The following CPED1 variants were observed in gnomAD, a reference collection of about 807,000 sequenced individuals.
The protein encoded by CPED1 is cadherin like and PC-esterase domain containing 1.
A neutral mutation model predicts 128.2 loss-of-function variants in CPED1; 114 were observed. The observed-to-expected ratio is 0.89, with a 90% CI of 0.76 to 1.04. CPED1 has a LOEUF of 1.04. Among genes scored for constraint, CPED1 ranks in the 50% least tolerant of loss-of-function variants. The probability of loss-of-function intolerance (pLI) is 0.00; values close to 1 mark genes in which losing one functional copy is unlikely to be tolerated. For missense variants in CPED1, 1,211 were observed against 1,207.1 expected, an observed-to-expected ratio of 1.00 and a Z score of -0.05; for synonymous variants, 462 against 426.7, an observed-to-expected ratio of 1.08 and a Z score of -1.02.
intron 7 of CPED1, among the ~76,000 whole-genome samples, chr7:121,123,187 G>A (rs969162775): frequency 4.6e-5 from 7 of 152,132 alleles, no homozygotes; most frequent in East Asian, 3.9e-4. Context: ...TACTAATGAC[G>A]CATTCTTAGG....
intron 14 of CPED1, 111 bp from the exon 15 acceptor site, chr7:121,140,716 T>A: frequency 4.2e-6 from 3 of 716,410 alleles, no homozygotes. Flanking sequence ...TCAGCAGGGA[T>A]CATTGAAGTT....
chr7:121,115,774 G>A (rs1432662710), intron 7 of CPED1, among the ~76,000 whole-genome samples: 1 of 152,172 alleles, frequency 6.6e-6, no homozygotes, highest in East Asian at 1.9e-4. Flanking sequence ...ATTATTGGAA[G>A]TTCAAAGAAG....
intron 16 of CPED1, among the ~76,000 whole-genome samples, chr7:121,219,986 A>G (rs893851820): frequency 1.3e-5 from 2 of 151,984 alleles, no homozygotes; most frequent in East Asian, 1.9e-4. Flanking sequence ...TTCACTGCCA[A>G]TTTTTATTGG....
chr7:121,029,653 T>C (rs1162170690), intron 3 of CPED1, among the ~76,000 whole-genome samples: 1 of 152,208 alleles, frequency 6.6e-6, no homozygotes, highest in Non-Finnish European at 1.5e-5. Flanking sequence ...AGAGATAGCA[T>C]ATTAAGGTTA....
chr7:121,138,666 A>G (rs1795833661), intron 14 of CPED1, among the ~76,000 whole-genome samples: 1 of 152,102 alleles, frequency 6.6e-6, no homozygotes, highest in Admixed American at 6.6e-5. Flanking sequence ...TAACTCTCAG[A>G]GAATCTTTAT....
At chr7:121,072,874 CAA>C (rs765056029) in intron 5 of CPED1, among the ~76,000 whole-genome samples, 9 of 152,140 alleles carry the variant, frequency 5.9e-5, no homozygotes, top group African/African-American at 1.9e-4. Context: ...GACATTGACT[CAA>C]GAGTATCTTC....
intron 18 of CPED1, among the ~76,000 whole-genome samples, chr7:121,254,476 AAT>A (rs1798759086): frequency 6.6e-6 from 1 of 152,078 alleles, no homozygotes; most frequent in Non-Finnish European, 1.5e-5. Context: ...TCAAATCAAC[AAT>A]ATAAGTTTCC....
At chr7:121,206,514 AAT>A (rs1797521127) in intron 16 of CPED1, among the ~76,000 whole-genome samples, 3 of 152,034 alleles carry the variant, frequency 2.0e-5, no homozygotes, top group Admixed American at 1.3e-4. Context: ...TTTTATTACA[AAT>A]AATACAAAAT....
chr7:121,183,342 T>C (rs1432337657), intron 16 of CPED1, among the ~76,000 whole-genome samples: 4 of 152,224 alleles, frequency 2.6e-5, no homozygotes, highest in Non-Finnish European at 5.9e-5. Context: ...CTAGAGTTGG[T>C]GACAGTTGTC....
chr7:121,064,131 T>A, intron 4 of CPED1, 107 bp from the exon 5 acceptor site: 1 of 735,208 alleles, frequency 1.4e-6, no homozygotes, highest in Non-Finnish European at 2.5e-6. Context: ...TGTGGGTGGT[T>A]TAGACAGTGC....
At position 121,127,130 on chromosome 7, in the gene CPED1, A is replaced by AT. The variant is rs746797272; in HGVS notation, c.1179dup (p.Glu394Ter). The AT allele has an allele frequency of 6.2e-7, 1 of 1,603,884 alleles. No individual in the cohort carries two copies. Among genetic ancestry groups the AT allele is most frequent in the South Asian group, 1.1e-5 (1 of 90,616 alleles). On this transcript the variant is annotated frameshift_variant, in exon 10 of 23. Transcript: ENST00000310396. LOFTEE classifies it high-confidence loss of function. ...AATTTTCAAGATTATGATAATATGGATTTTGAGGACCAAAATACAGAAGAA... is the reference window on the plus strand; with the variant it reads ...AATTTTCAAGATTATGATAATATGGATTTTTGAGGACCAAAATACAGAAGAA...
chr7:121,127,450 G>A (rs535277006), intron 10 of CPED1, among the ~76,000 whole-genome samples, 193 bp downstream of exon 10: 1 of 151,954 alleles, frequency 6.6e-6, no homozygotes, highest in East Asian at 1.9e-4. Context: ...GTAAGTGACT[G>A]ATTATGATAA....
At chr7:121,269,916 G>T (rs1792200792) in intron 21 of CPED1, among the ~76,000 whole-genome samples, 1 of 152,108 alleles carries the variant, frequency 6.6e-6, no homozygotes, top group Admixed American at 6.6e-5. Flanking sequence ...CTGCTCTGGT[G>T]AGGCTTCAGG....
intron 3 of CPED1, among the ~76,000 whole-genome samples, chr7:121,045,176 G>A (rs1369806932): frequency 6.6e-6 from 1 of 151,872 alleles, no homozygotes; most frequent in East Asian, 1.9e-4. Context: ...TATGGAGCAG[G>A]GTAGATCTTA....
chr7:121,221,596 C>T (rs1797879470), intron 16 of CPED1, among the ~76,000 whole-genome samples: 1 of 152,182 alleles, frequency 6.6e-6, no homozygotes, highest in Non-Finnish European at 1.5e-5. Context: ...TAAAAGTGTT[C>T]CTATTTCTCC....
chr7:121,064,085 A>G (rs1434144697), intron 4 of CPED1, among the ~76,000 whole-genome samples, 153 bp from the exon 5 acceptor site: 1 of 152,108 alleles, frequency 6.6e-6, no homozygotes, highest in African/African-American at 2.4e-5. Context: ...ATTATTCTGG[A>G]TTTGCATGTT....
intron 13 of CPED1, among the ~76,000 whole-genome samples, chr7:121,134,132 T>A (rs1795735406): frequency 6.6e-6 from 1 of 152,046 alleles, no homozygotes; most frequent in Non-Finnish European, 1.5e-5. Context: ...ATTTGTACTC[T>A]GATGTTAACT....
intron 21 of CPED1, among the ~76,000 whole-genome samples, chr7:121,270,245 C>A (rs1368364430): frequency 6.6e-6 from 1 of 151,968 alleles, no homozygotes. Context: ...GGTTTGTTTT[C>A]TACTTGCTGA....
chr7:121,226,176 C>G (rs897202061), intron 16 of CPED1, among the ~76,000 whole-genome samples: 4 of 151,992 alleles, frequency 2.6e-5, no homozygotes, highest in Non-Finnish European at 5.9e-5. Context: ...TGTGGATGTC[C>G]TTTTTGTTGA....
Sources: gnomAD v4.1 joint callset for allele counts (sites outside exome capture counted in the v4.1 genomes callset) on GRCh38, gnomAD v4.1.1 for gene constraint, MANE v1.5 for transcripts, NCBI Gene and HGNC (gene_info 2026-07-23, HGNC 2026-07-21) for gene names.